The following BCAP31 variants were observed in gnomAD, a reference collection of about 807,000 sequenced individuals.
BCAP31 encodes B-cell receptor-associated protein 31.
For synonymous variants in BCAP31, 75 were observed against 80.9 expected (o/e 0.93, Z 0.39); for missense variants, 124 against 193.0 (o/e 0.64, Z 2.12).
intron 1 of BCAP31, 60 bp from the exon 2 acceptor site, chrX:153,723,348 C>G: frequency 8.7e-7 from 1 of 1,147,346 alleles, no homozygotes; most frequent in South Asian, 2.0e-5. Context: ...ACATCCAGTT[C>G]AGTTACCCTG....
At chrX:153,720,760 G>A in intron 3 of BCAP31, 112 bp downstream of exon 3, 7 of 632,599 alleles carry the variant, frequency 1.1e-5, no homozygotes, top group Non-Finnish European at 1.7e-5. Context: ...CATTTCATTG[G>A]TCTGTCTCCT....
intron 4 of BCAP31, among the ~76,000 whole-genome samples, chrX:153,708,652 G>A (rs1156519547): frequency 8.8e-6 from 1 of 112,998 alleles, no homozygotes; most frequent in Non-Finnish European, 1.9e-5. Context: ...CCCAGGCAAG[G>A]AAGCAAGTCA....
chrX:153,702,239 T>A (rs782678494), intron 6 of BCAP31, 132 bp from the exon 7 acceptor site: 1 of 520,197 alleles, frequency 1.9e-6, no homozygotes, highest in African/African-American at 2.4e-5. Flanking sequence ...AGGCTACTTC[T>A]CAAAATAAAG....
In BCAP31 at chrX:153,715,630, T is replaced by C. The variant is rs1557049948; in HGVS notation, c.253A>G (p.Asn85Asp). Reference protein sequence around the residue: ...DVTEKVNLQNNPGAMEHFHMK... With the variant: ...DVTEKVNLQNDPGAMEHFHMK... ...TGGAAGTGCTCCATGGCCCCGGGATTGTTCTGGAGGTTCACCTTTTCCGTC... is the reference window on the plus strand; with the variant it reads ...TGGAAGTGCTCCATGGCCCCGGGATCGTTCTGGAGGTTCACCTTTTCCGTC... Residue 85 changes from asparagine to aspartate, a missense_variant, in exon 4 of 8, where the codon AAT becomes GAT. Asn to Asp is a conservative substitution (Grantham distance 23, BLOSUM62 1). Coordinates refer to ENST00000345046, the MANE Select transcript of BCAP31 (RefSeq NM_001256447.2). The C allele has an allele frequency of 8.3e-7, 1 of 1,209,580 alleles. No individual in the cohort carries two copies. Among genetic ancestry groups the C allele is most frequent in the Non-Finnish European group, 1.1e-6 (1 of 894,893 alleles).
chrX:153,700,927 A>C lies in BCAP31; in HGVS notation c.*10T>G, dbSNP rs2091514030. 1.7e-6 allele frequency: 2 copies of C among 1,202,914 alleles called. No individual in the cohort carries two copies. Among genetic ancestry groups the C allele is most frequent in the East Asian group, 3.0e-5 (1 of 33,123 alleles). On this transcript the variant is annotated 3_prime_UTR_variant, in exon 8 of 8. Transcript: ENST00000345046. ...GGAAGCCAGCTGCAGGCAGGGGAGG[A>C]AGGAGGCCCTTACTCTTCCTTCTTG...
At chrX:153,715,729 C>A in intron 3 of BCAP31, 40 bp from the exon 4 acceptor site, 1 of 1,201,878 alleles carries the variant, frequency 8.3e-7, no homozygotes, top group Non-Finnish European at 1.1e-6. Flanking sequence ...ATTTAGCGGA[C>A]ACTAGGGCAA....
chrX:153,706,026 G>A (rs1410556320), intron 4 of BCAP31, among the ~76,000 whole-genome samples: 1 of 111,804 alleles, frequency 8.9e-6, no homozygotes, highest in East Asian at 2.8e-4. Context: ...GATAGGCCAG[G>A]GCATACACAA....
intron 4 of BCAP31, among the ~76,000 whole-genome samples, chrX:153,714,498 C>T (rs2091613530): frequency 9.0e-6 from 1 of 111,178 alleles, no homozygotes; most frequent in Non-Finnish European, 1.9e-5. Context: ...AATGTGTTTG[C>T]CTTTTCTAGC....
intron 1 of BCAP31, 157 bp downstream of exon 1, chrX:153,724,177 T>C (rs1457110709): frequency 1.7e-5 from 4 of 233,784 alleles, no homozygotes; most frequent in Non-Finnish European, 3.1e-5. Flanking sequence ...CGCCGCCCGG[T>C]TTCCCCTCGC....
chrX:153,703,963 T>C lies in BCAP31; in HGVS notation c.473A>G (p.Lys158Arg), dbSNP rs781825662. The C allele has an allele frequency of 8.3e-7, 1 of 1,210,958 alleles. No homozygotes were observed. Among genetic ancestry groups the C allele is most frequent in the Non-Finnish European group, 1.1e-6 (1 of 894,892 alleles). Residue 158 changes from lysine to arginine, a missense_variant, in exon 5 of 8, where the codon AAG becomes AGG. Transcript: ENST00000345046. ...KKYMEENDQL[K>R]KGAAVDGGKL... ...GGGTCGGGAAGCTGGGCTCACCTTCTTGAGCTGGTCATTCTCCTCCATGTA... is the reference window on the plus strand; with the variant it reads ...GGGTCGGGAAGCTGGGCTCACCTTCCTGAGCTGGTCATTCTCCTCCATGTA...
At chrX:153,709,759 C>T (rs2091577353) in intron 4 of BCAP31, among the ~76,000 whole-genome samples, 2 of 113,247 alleles carry the variant, frequency 1.8e-5, no homozygotes, top group Admixed American at 1.9e-4. Flanking sequence ...GCACCTAAAG[C>T]TGTCGCCGTC....
chrX:153,722,786 G>A (rs1486218954), intron 2 of BCAP31, among the ~76,000 whole-genome samples: 2 of 111,276 alleles, frequency 1.8e-5, no homozygotes, highest in Non-Finnish European at 3.8e-5. Context: ...CACCAAATCA[G>A]CAACAACGTG....
At chrX:153,714,226 T>C (rs1000611187) in intron 4 of BCAP31, among the ~76,000 whole-genome samples, 3 of 107,168 alleles carry the variant, frequency 2.8e-5, no homozygotes, top group East Asian at 3.0e-4. Context: ...TTCTGGTAGA[T>C]GGCCTAGTTT....
At chrX:153,718,809 A>G (rs1164503335) in intron 3 of BCAP31, among the ~76,000 whole-genome samples, 1 of 111,616 alleles carries the variant, frequency 9.0e-6, no homozygotes, top group Non-Finnish European at 1.9e-5. Flanking sequence ...CAAGTCCCAC[A>G]GTAGAAACCA....
intron 4 of BCAP31, among the ~76,000 whole-genome samples, chrX:153,707,948 C>T (rs1465882780): frequency 1.8e-5 from 2 of 113,237 alleles, no homozygotes; most frequent in Non-Finnish European, 3.7e-5. Context: ...TCTGCTGGAT[C>T]TCCCAAGTAG....
At chrX:153,704,337 GGAGCCTGGGGGGCTGGGAA>G (rs2091539856) in intron 4 of BCAP31, among the ~76,000 whole-genome samples, 2 of 112,536 alleles carry the variant, frequency 1.8e-5, no homozygotes, top group Non-Finnish European at 1.9e-5. Flanking sequence ...GCTGGAAGCA[GGAGCCTGGGGGGCTGGGAA>G]GAGCCTCGCT....
chrX:153,720,514 G>A (rs782241021), intron 3 of BCAP31, among the ~76,000 whole-genome samples: 5 of 110,821 alleles, frequency 4.5e-5, no homozygotes, highest in South Asian at 7.6e-4. Context: ...ACAGGTGCCC[G>A]CCACCACGCC....
intron 4 of BCAP31, among the ~76,000 whole-genome samples, chrX:153,708,414 C>T (rs2091568281): frequency 8.9e-6 from 1 of 112,459 alleles, no homozygotes; most frequent in African/African-American, 3.2e-5. Flanking sequence ...AGATTCCATG[C>T]TGTGGCCACC....
In BCAP31 at chrX:153,702,985, A is replaced by G. The variant is rs782699686; in HGVS notation, c.551T>C (p.Leu184Pro). Reference sequence around the variant, plus strand: ...CTTTAGCTTCTGCAGGTCAGCCTTCAGGCTCCTGTTCTCTTCCTCCAACTT... The same window carrying G: ...CTTTAGCTTCTGCAGGTCAGCCTTCGGGCTCCTGTTCTCTTCCTCCAACTT... ...EVKLEEENRS[L>P]KADLQKLKDE... The change falls in exon 6 of 8, where the codon CTG becomes CCG. Residue 184 changes from leucine (L) to proline (P), a missense_variant. By Grantham distance (98) the Leu-to-Pro change is moderately conservative. Transcript: ENST00000345046. The G allele has an allele frequency of 1.1e-5, 13 of 1,208,938 alleles. No homozygotes were observed. Among genetic ancestry groups the G allele is most frequent in the Non-Finnish European group, 1.3e-5 (12 of 895,049 alleles).
Sources: gnomAD v4.1 joint callset for allele counts (sites outside exome capture counted in the v4.1 genomes callset) on GRCh38, gnomAD v4.1.1 for gene constraint, MANE v1.5 for transcripts, NCBI Gene and HGNC (gene_info 2026-07-23, HGNC 2026-07-21) for gene names.